ZNF644: variants seen among roughly 807,000 people sequenced by gnomAD.
The protein encoded by ZNF644 is zinc finger protein 644.
ZNF644 carries 20 observed loss-of-function variants against 108.0 expected under a neutral mutation model. The ratio of observed to expected loss-of-function variants is 0.19; its 90% CI spans 0.13 to 0.27. ZNF644 has a LOEUF of 0.27. Ranked by LOEUF, ZNF644 falls within the 10% of genes least tolerant of loss-of-function variation. ZNF644 has a pLI of 1.00. For missense variants in ZNF644, 1,338 were observed against 1,548.9 expected (o/e 0.86, Z 2.29); for synonymous variants, 542 against 539.1 (o/e 1.01, Z -0.08).
At chr1:90,964,364 T>C (rs1408367054) in intron 2 of ZNF644, among the ~76,000 whole-genome samples, 1 of 152,104 alleles carries the variant, frequency 6.6e-6, no homozygotes, top group Non-Finnish European at 1.5e-5. Flanking sequence ...AGAAGGGGAT[T>C]AAGACAGAAT....
chr1:90,941,492 G>T (rs778572727), intron 2 of ZNF644, among the ~76,000 whole-genome samples, 183 bp from the exon 3 acceptor site: 1 of 151,956 alleles, frequency 6.6e-6, no homozygotes, highest in Non-Finnish European at 1.5e-5. Flanking sequence ...CACCTCAAAG[G>T]TTAATATTGT....
intron 1 of ZNF644, among the ~76,000 whole-genome samples, chr1:91,005,664 C>T (rs1197837815): frequency 3.3e-5 from 5 of 151,986 alleles, no homozygotes; most frequent in Non-Finnish European, 7.4e-5. Context: ...AAGCAACAAA[C>T]ATCTATGTAA....
Position 90,974,900 on chromosome 1 carries a change from C to T in ZNF644, c.44+7410G>A, listed in dbSNP as rs648592. 1.5e-3 allele frequency among the ~76,000 whole-genome samples: 234 copies of T among 152,332 alleles called. 4 individuals carry two copies. The highest frequency in any genetic ancestry group is 0.01 in the Middle Eastern group (3 of 294). On this transcript the variant is annotated intron_variant, in intron 2 of 5. Coordinates refer to ENST00000337393, the MANE Select transcript of ZNF644 (RefSeq NM_201269.3). ...TCGTCTAATCTCTTGAGACTAGCCA[C>T]TCCCCACATCCACACCCCACGGTGA...
rs1173595844 is a variant in ZNF644 at position 90,940,534 on chromosome 1, C to T, written c.820G>A (p.Glu274Lys). The change falls in exon 3 of 6, where the codon GAA becomes AAA. Residue 274 changes from glutamate to lysine, a missense_variant. By Grantham distance (56) the Glu-to-Lys change is moderately conservative. Transcript: ENST00000337393. ...TGAGGTGGAGCTTTATCTACTGTTT[C>T]CTCATTAGTCATAAGAAATTGAATG... is the stretch of plus-strand genomic sequence containing the variant. ...EFIQFLMTNE[E>K]TVDKAPPHSK... is the part of the protein sequence containing the mutation. The T allele has an allele frequency of 1.4e-5, 22 of 1,613,624 alleles. No individual in the cohort carries two copies. The highest frequency in any genetic ancestry group is 1.9e-5 in the Non-Finnish European group (22 of 1,179,868).
Position 90,938,695 on chromosome 1 carries a change from C to G in ZNF644, c.2659G>C (p.Val887Leu), listed in dbSNP as rs544944934. ...CTCTTAAATAAAGGGAATAAATTTACATGCTCTTGATTAATATCACTATAG... is the reference window on the plus strand; with the variant it reads ...CTCTTAAATAAAGGGAATAAATTTAGATGCTCTTGATTAATATCACTATAG... ...ETYSDINQEHVNLFPLFKSKV... is the reference protein window; with the variant it reads ...ETYSDINQEHLNLFPLFKSKV... The change falls in exon 3 of 6, where the codon GTA (valine) becomes CTA (leucine). Residue 887 changes from valine (V) to leucine (L), a missense_variant. Coordinates refer to ENST00000337393, the MANE Select transcript of ZNF644 (RefSeq NM_201269.3). This position sits in a 1 kb window ranked among gnomAD's most constrained non-coding sequence, Gnocchi z 4.2. 2 of 1,612,800 alleles carry G rather than the reference C, an allele frequency of 1.2e-6. No homozygotes were observed. The highest frequency in any genetic ancestry group is 4.5e-5 in the East Asian group (2 of 44,866).
At chr1:90,962,786 C>T (rs954338232) in intron 2 of ZNF644, among the ~76,000 whole-genome samples, 1 of 152,032 alleles carries the variant, frequency 6.6e-6, no homozygotes, top group Non-Finnish European at 1.5e-5. Flanking sequence ...TGCCAAATGT[C>T]CCACCCAGAT....
rs577966817 is a variant in ZNF644, at chr1:91,010,236, C to CT, written c.-18+11753dup. 7.5e-3 allele frequency among the ~76,000 whole-genome samples: 972 copies of CT among 129,894 alleles called. 7 individuals carry two copies. Among genetic ancestry groups the CT allele is most frequent in the Non-Finnish European group, 8.2e-3 (504 of 61,328 alleles). The allele number at this position is 129,894 out of a possible 152,430, so 85.2% of individuals were successfully genotyped here. ...CATTCCACAATTCTCATGTCTGTGCCTTTTTTTTTTTTTTTTTTTCTGAGA... is the reference window on the plus strand; with the variant it reads ...CATTCCACAATTCTCATGTCTGTGCCTTTTTTTTTTTTTTTTTTTTCTGAGA... On this transcript the variant is annotated intron_variant, in intron 1 of 5. Transcript: ENST00000337393.
At position 90,973,233 on chromosome 1, in the gene ZNF644, G is replaced by C. The variant is rs187108798; in HGVS notation, c.44+9077C>G. 1.2e-4 allele frequency: 18 copies of C among 152,170 alleles called. No homozygotes were observed. The East Asian group carries it at 1.5e-3, about 13-fold the overall frequency. 9.4% of individuals were successfully genotyped at this position (152,170 alleles called of 1,614,324 possible). A position where few individuals can be genotyped will look rare whatever the true frequency, so the allele number is the denominator to read the frequency against. On this transcript the variant is annotated intron_variant, in intron 2 of 5. Transcript: ENST00000337393. ...AATAACCTGAGAGGGAGGAAAAAAT[G>C]GGTGAGAGTATAATACATAAATGGG...
chr1:90,940,157 A>G lies in ZNF644; in HGVS notation c.1197T>C (p.Pro399=). Reference sequence around the variant, plus strand: ...ATGGCTCTTCGGTACTGAAAGTAGCAGGTGACTCAGAATCACTCTCTTCAC... The same window carrying G: ...ATGGCTCTTCGGTACTGAAAGTAGCGGGTGACTCAGAATCACTCTCTTCAC... ...KKCEESDSES[P]ATFSTEEPSF... The change falls in exon 3 of 6, where the codon CCT becomes CCC. Residue 399 remains proline (P), a synonymous_variant. Transcript: ENST00000337393. 1 of 1,614,060 alleles carries G rather than the reference A, an allele frequency of 6.2e-7. No individual in the cohort carries two copies. Among genetic ancestry groups the G allele is most frequent in the Non-Finnish European group, 8.5e-7 (1 of 1,179,958 alleles).
intron 1 of ZNF644, among the ~76,000 whole-genome samples, chr1:90,999,043 T>G (rs184320832): frequency 1.3e-5 from 2 of 152,248 alleles, no homozygotes; most frequent in East Asian, 3.9e-4. Flanking sequence ...TGGGACTATG[T>G]GAAAAGACCA....
intron 2 of ZNF644, among the ~76,000 whole-genome samples, chr1:90,947,786 A>G (rs911987025): frequency 6.6e-6 from 1 of 152,182 alleles, no homozygotes; most frequent in Non-Finnish European, 1.5e-5. Flanking sequence ...AATGCATTTA[A>G]TACATCTAAA....
intron 2 of ZNF644, among the ~76,000 whole-genome samples, chr1:90,941,628 C>CA (rs1315239421): frequency 6.6e-6 from 1 of 152,014 alleles, no homozygotes; most frequent in Non-Finnish European, 1.5e-5. Flanking sequence ...TACACAGACT[C>CA]AAAAACAATA....
At chr1:91,013,554 T>C (rs1472674639) in intron 1 of ZNF644, among the ~76,000 whole-genome samples, 1 of 151,980 alleles carries the variant, frequency 6.6e-6, no homozygotes, top group African/African-American at 2.4e-5. Context: ...CTCTATTACC[T>C]GGTATCAAAC....
chr1:90,928,790 C>T (rs1294466959), intron 4 of ZNF644, among the ~76,000 whole-genome samples: 1 of 152,118 alleles, frequency 6.6e-6, no homozygotes, highest in African/African-American at 2.4e-5. Flanking sequence ...CAAATTTCAT[C>T]CCTTTGTGTC....
At chr1:90,989,156 T>C (rs975220967) in intron 1 of ZNF644, among the ~76,000 whole-genome samples, 1 of 152,122 alleles carries the variant, frequency 6.6e-6, no homozygotes, top group Middle Eastern at 3.2e-3. Flanking sequence ...ATATGTAATA[T>C]AATGAACTTG....
rs895077456 is a variant in ZNF644, at chr1:90,971,423, C to CT, written c.44+10886dup. Among the ~76,000 whole-genome samples, 11 of 150,486 alleles carry CT rather than the reference C, an allele frequency of 7.3e-5. No individual in the cohort carries two copies. In the South Asian group the frequency reaches 1.3e-3, roughly 17 times the overall value. ...GCAATATTCAAACATTTCTTTCTTT[C>CT]TTTTTTTTTGGTGGGGGGACAGAGT... On this transcript the variant is annotated intron_variant, in intron 2 of 5. Coordinates refer to ENST00000337393, the MANE Select transcript of ZNF644 (RefSeq NM_201269.3).
intron 1 of ZNF644, among the ~76,000 whole-genome samples, chr1:90,985,716 G>C (rs756866161): frequency 6.6e-6 from 1 of 152,156 alleles, no homozygotes; most frequent in Admixed American, 6.5e-5. Flanking sequence ...TGGACACCTA[G>C]GTTGCTTCCC....
chr1:91,000,879 A>C (rs1266852743), intron 1 of ZNF644, among the ~76,000 whole-genome samples: 1 of 152,230 alleles, frequency 6.6e-6, no homozygotes, highest in Non-Finnish European at 1.5e-5. Context: ...CACAAATACA[A>C]ACTACCACCA....
chr1:90,995,302 T>C (rs927719471), intron 1 of ZNF644, among the ~76,000 whole-genome samples: 5 of 151,906 alleles, frequency 3.3e-5, no homozygotes, highest in African/African-American at 7.3e-5. Flanking sequence ...GAAGAAAGAA[T>C]TGGTGAGTTT....
Sources: gnomAD v4.1 joint callset for allele counts (sites outside exome capture counted in the v4.1 genomes callset) on GRCh38, gnomAD v4.1.1 for gene constraint, Gnocchi (gnomAD v3.1) non-coding constraint, MANE v1.5 for transcripts, NCBI Gene and HGNC (gene_info 2026-07-23, HGNC 2026-07-21) for gene names.